Variants in SCFD2 observed in about 807,000 individuals in gnomAD.
SCFD2 encodes sec1 family domain-containing protein 2.
A neutral mutation model predicts 58.9 loss-of-function variants in SCFD2; 54 were observed. The observed-to-expected ratio is 0.92, with a 90% CI of 0.74 to 1.15. SCFD2 has a LOEUF of 1.15. Ranked by LOEUF, SCFD2 falls within the 50% of genes most tolerant of loss-of-function variation. The probability of loss-of-function intolerance (pLI) is 0.00; values close to 1 mark genes in which losing one functional copy is unlikely to be tolerated. For missense variants in SCFD2, 805 were observed against 836.6 expected (o/e 0.96, Z 0.47); for synonymous variants, 321 against 335.9 (o/e 0.96, Z 0.49).
intron 5 of SCFD2, among the ~76,000 whole-genome samples, chr4:53,139,198 T>C (rs1235557121): frequency 3.3e-5 from 5 of 152,080 alleles, no homozygotes; most frequent in East Asian, 3.9e-4. Context: ...TGGAGTGCAG[T>C]GGTGTGATCT....
chr4:53,296,412 A>G (rs1267751713), intron 3 of SCFD2, among the ~76,000 whole-genome samples: 2 of 152,142 alleles, frequency 1.3e-5, no homozygotes, highest in African/African-American at 2.4e-5. Flanking sequence ...TACATTTTCT[A>G]GTTTATTTGC....
At chr4:53,000,313 TA>T (rs1284848141) in intron 5 of SCFD2, among the ~76,000 whole-genome samples, 1 of 152,168 alleles carries the variant, frequency 6.6e-6, no homozygotes, top group Non-Finnish European at 1.5e-5. Context: ...TCTCTATATC[TA>T]AAAATCAAAA....
At chr4:53,360,604 G>A (rs992075121) in intron 1 of SCFD2, among the ~76,000 whole-genome samples, 2 of 152,148 alleles carry the variant, frequency 1.3e-5, no homozygotes, top group Non-Finnish European at 2.9e-5. Context: ...CACTAAGCAG[G>A]TGACCTCACC....
intron 5 of SCFD2, among the ~76,000 whole-genome samples, chr4:53,064,681 A>C (rs1312623229): frequency 3.3e-5 from 5 of 152,164 alleles, no homozygotes; most frequent in Non-Finnish European, 7.3e-5. Flanking sequence ...ACCCTAAGGC[A>C]AATAAGTGTG....
At chr4:53,140,716 G>A (rs1191173480) in intron 5 of SCFD2, among the ~76,000 whole-genome samples, 4 of 151,874 alleles carry the variant, frequency 2.6e-5, no homozygotes, top group Non-Finnish European at 5.9e-5. Context: ...GAGCATGCAC[G>A]GCATAAAACG....
chr4:53,215,143 T>A (rs1339738355), intron 4 of SCFD2, among the ~76,000 whole-genome samples: 2 of 152,144 alleles, frequency 1.3e-5, no homozygotes, highest in African/African-American at 4.8e-5. Flanking sequence ...CAGGCTCTTT[T>A]TTGGTTCCAT....
chr4:52,990,609 T>C (rs760045513), intron 5 of SCFD2, among the ~76,000 whole-genome samples: 3 of 152,154 alleles, frequency 2.0e-5, no homozygotes, highest in Non-Finnish European at 4.4e-5. Context: ...TCATGTAAAG[T>C]ACAAAGTTAA....
At chr4:53,185,498 C>T (rs1171168391) in intron 4 of SCFD2, among the ~76,000 whole-genome samples, 1 of 152,046 alleles carries the variant, frequency 6.6e-6, no homozygotes, top group African/African-American at 2.4e-5. Context: ...AAGCTTCCTG[C>T]TTCCTAGTCT....
At chr4:53,327,889 G>T (rs1003585366) in intron 2 of SCFD2, among the ~76,000 whole-genome samples, 14 of 152,124 alleles carry the variant, frequency 9.2e-5, no homozygotes, top group Non-Finnish European at 1.9e-4. Flanking sequence ...GCCTCACTTT[G>T]GGAGGCCAAC....
chr4:52,971,675 G>T (rs1179970234), intron 5 of SCFD2, among the ~76,000 whole-genome samples: 1 of 152,150 alleles, frequency 6.6e-6, no homozygotes, highest in Non-Finnish European at 1.5e-5. Flanking sequence ...ACGCCACAAA[G>T]ATACTCCTTG....
chr4:53,179,302 T>G (rs558458856), intron 4 of SCFD2, among the ~76,000 whole-genome samples: 1 of 152,160 alleles, frequency 6.6e-6, no homozygotes, highest in Non-Finnish European at 1.5e-5. Context: ...AGCTGATCGC[T>G]CGGCAGAAAC....
intron 4 of SCFD2, among the ~76,000 whole-genome samples, chr4:53,248,390 G>C (rs1237228064): frequency 6.6e-6 from 1 of 152,244 alleles, no homozygotes; most frequent in Non-Finnish European, 1.5e-5. Flanking sequence ...AAACAAAGCA[G>C]CCAGGAAATT....
chr4:53,168,924 C>A (rs1162338307), intron 4 of SCFD2, among the ~76,000 whole-genome samples: 1 of 152,202 alleles, frequency 6.6e-6, no homozygotes, highest in African/African-American at 2.4e-5. Flanking sequence ...TCTCTGATAA[C>A]TACCATTCTA....
chr4:53,216,772 T>C (rs567689261), intron 4 of SCFD2, among the ~76,000 whole-genome samples: 1 of 152,336 alleles, frequency 6.6e-6, no homozygotes, highest in Non-Finnish European at 1.5e-5. Context: ...CTGCTTTCTC[T>C]TGTGGGCATC....
chr4:52,952,163 C>T (rs1359099916), intron 5 of SCFD2, among the ~76,000 whole-genome samples: 1 of 151,498 alleles, frequency 6.6e-6, no homozygotes, highest in African/African-American at 2.4e-5. Context: ...CTTCTACTTT[C>T]TCTCTGTTCG....
chr4:53,320,599 A>G (rs1165863366), intron 2 of SCFD2, among the ~76,000 whole-genome samples: 1 of 152,204 alleles, frequency 6.6e-6, no homozygotes, highest in Non-Finnish European at 1.5e-5. Context: ...CCTGGGAGAG[A>G]AGAGTAAAAC....
At chr4:53,179,099 T>A (rs1373874935) in intron 4 of SCFD2, among the ~76,000 whole-genome samples, 2 of 152,074 alleles carry the variant, frequency 1.3e-5, no homozygotes, top group Admixed American at 1.3e-4. Flanking sequence ...CAGGAGAACT[T>A]CCCCAATCTA....
At chr4:53,276,972 G>A (rs1011337942) in intron 3 of SCFD2, among the ~76,000 whole-genome samples, 2 of 151,998 alleles carry the variant, frequency 1.3e-5, no homozygotes, top group African/African-American at 2.4e-5. Flanking sequence ...TATCTGTTTT[G>A]GTGAAGTGTC....
chr4:53,207,573 TTTA>T (rs374360286), intron 4 of SCFD2, among the ~76,000 whole-genome samples: 1 of 660 alleles, frequency 1.5e-3, no homozygotes, highest in Non-Finnish European at 3.8e-3. Context: ...ATATATAATA[TTTA>T]TATATATATA....
Sources: gnomAD v4.1 joint callset for allele counts (sites outside exome capture counted in the v4.1 genomes callset) on GRCh38, gnomAD v4.1.1 for gene constraint, MANE v1.5 for transcripts, NCBI Gene and HGNC (gene_info 2026-07-23, HGNC 2026-07-21) for gene names.